The following EFCAB3 variants were observed in gnomAD, a reference collection of about 807,000 sequenced individuals.
EFCAB3 encodes the protein EF-hand calcium-binding domain-containing protein 3.
EFCAB3 carries 36 observed loss-of-function variants against 42.2 expected under a neutral mutation model. The ratio of observed to expected loss-of-function variants is 0.85; its 90% CI spans 0.65 to 1.13. The LOEUF is 1.13. Ranked by LOEUF, EFCAB3 falls within the 50% of genes most tolerant of loss-of-function variation. EFCAB3 has a pLI of 0.00. For missense variants in EFCAB3, 418 were observed against 505.1 expected, an observed-to-expected ratio of 0.83 and a Z score of 1.65; for synonymous variants, 170 against 172.8, an observed-to-expected ratio of 0.98 and a Z score of 0.13.
intron 3 of EFCAB3, among the ~76,000 whole-genome samples, chr17:62,389,426 GC>G (rs557834285): frequency 2.6e-4 from 39 of 152,176 alleles, no homozygotes; most frequent in Non-Finnish European, 4.9e-4. Flanking sequence ...GGCCAGCAAG[GC>G]CCCAGATATC....
intron 1 of EFCAB3, among the ~76,000 whole-genome samples, chr17:62,371,987 T>A (rs1046061387): frequency 2.6e-5 from 4 of 152,198 alleles, no homozygotes; most frequent in African/African-American, 9.7e-5. Context: ...GTATATTGAT[T>A]TATTCAAGCA....
intron 1 of EFCAB3, chr17:62,380,845 G>A (rs2070190535): frequency 6.5e-6 from 1 of 153,024 alleles, no homozygotes; most frequent in African/African-American, 2.4e-5. Context: ...ACTGCTTTCT[G>A]GGCTCTGAGG....
At chr17:62,390,075 C>T (rs939705618) in intron 3 of EFCAB3, among the ~76,000 whole-genome samples, 4 of 152,028 alleles carry the variant, frequency 2.6e-5, no homozygotes, top group Non-Finnish European at 5.9e-5. Context: ...CATGAGCCAC[C>T]GTGCCCGGCC....
rs1014313758 is a variant in EFCAB3, at chr17:62,413,123, A to G, written c.868-609A>G. ...AAAAGTCAAATGCATTTTTAAATAA[A>G]AAGATATTAATTCCACTGCTTCAAG... On this transcript the variant is annotated intron_variant, in intron 8 of 9. Transcript: ENST00000305286. 2.2e-4 allele frequency among the ~76,000 whole-genome samples: 33 copies of G among 152,310 alleles called. 1 individual carries two copies. Among genetic ancestry groups the G allele is most frequent in the Admixed American group, 2.0e-3 (30 of 15,288 alleles).
intron 4 of EFCAB3, 122 bp downstream of exon 4, chr17:62,392,087 T>A (rs992777935): frequency 2.8e-6 from 2 of 705,204 alleles, no homozygotes; most frequent in African/African-American, 3.7e-5. Flanking sequence ...CAAATATATA[T>A]ATATTTGTGT....
chr17:62,373,961 T>C (rs2144044765), intron 2 of EFCAB3: 1 of 619,858 alleles, frequency 1.6e-6, no homozygotes, highest in East Asian at 3.3e-5. Context: ...GTAATATATG[T>C]TCATTATAGA....
At chr17:62,392,084 A>G (rs1413555946) in intron 4 of EFCAB3, 119 bp downstream of exon 4, 2 of 796,418 alleles carry the variant, frequency 2.5e-6, no homozygotes, top group Non-Finnish European at 3.5e-6. Context: ...CCCCAAATAT[A>G]TATATATTTG....
intron 6 of EFCAB3, among the ~76,000 whole-genome samples, chr17:62,405,813 C>T (rs774411007): frequency 7.9e-5 from 12 of 152,004 alleles, no homozygotes; most frequent in African/African-American, 9.7e-5. Context: ...CATACACATA[C>T]GCTCCAAAAA....
In EFCAB3 at chr17:62,405,826, AT is replaced by A. The variant is rs2070442652; in HGVS notation, c.489-653del. Among the ~76,000 whole-genome samples the A allele has an allele frequency of 7.9e-5, 12 of 152,364 alleles. No individual in the cohort carries two copies. In the South Asian group the frequency reaches 2.5e-3, roughly 32 times the overall value. On this transcript the variant is annotated intron_variant, in intron 6 of 9. Coordinates refer to ENST00000305286, the MANE Select transcript of EFCAB3 (RefSeq NM_173503.4). Reference sequence around the variant, plus strand: ...TTCATACACATACGCTCCAAAAAAAATGATAGGAAAGAAATGCAATCAATAG... The same window carrying A: ...TTCATACACATACGCTCCAAAAAAAAGATAGGAAAGAAATGCAATCAATAG...
Position 62,416,051 on chromosome 17 carries a change from C to T in EFCAB3, c.1039C>T (p.Arg347Ter), listed in dbSNP as rs544369412. The T allele has an allele frequency of 1.6e-5, 26 of 1,613,806 alleles. No homozygotes were observed. Among genetic ancestry groups the T allele is most frequent in the East Asian group, 6.7e-5 (3 of 44,870 alleles). ...TYNLGIALEH[R>*]KEMLNLWQKI... is the part of the protein sequence containing the mutation. ...TAATTTAGGAATTGCCCTTGAACAC[C>T]GAAAAGAGATGCTAAACCTCTGGCA... Residue 347 changes from arginine to a stop codon, truncating the protein, a stop_gained, in exon 10 of 10, where the codon CGA becomes TGA. Coordinates refer to ENST00000305286, the MANE Select transcript of EFCAB3 (RefSeq NM_173503.4). LOFTEE classifies it high-confidence loss of function.
chr17:62,403,022 G>T (rs957617989), intron 6 of EFCAB3, among the ~76,000 whole-genome samples: 5 of 152,130 alleles, frequency 3.3e-5, no homozygotes, highest in African/African-American at 1.2e-4. Context: ...TCTTGGGAGG[G>T]TATATGTGTC....
In EFCAB3 at chr17:62,416,053, A is replaced by C; in HGVS notation, c.1041A>C (p.Arg347=). Residue 347 remains arginine, a synonymous_variant, in exon 10 of 10, where the codon CGA becomes CGC. Transcript: ENST00000305286. ...TYNLGIALEH[R]KEMLNLWQKI... ...ATTTAGGAATTGCCCTTGAACACCG[A>C]AAAGAGATGCTAAACCTCTGGCAGA... 6.2e-7 allele frequency: 1 copy of C among 1,613,962 alleles called. No individual in the cohort carries two copies. Among genetic ancestry groups the C allele is most frequent in the Middle Eastern group, 1.7e-4 (1 of 6,056 alleles).
At chr17:62,378,102 C>G, upstream of EFCAB3, 7 of 1,136,358 alleles carry the variant, frequency 6.2e-6, no homozygotes, top group Non-Finnish European at 8.8e-6. Context: ...TAGTTACTTT[C>G]CCTAATTGTC....
chr17:62,389,944 GC>G (rs2070288895), intron 3 of EFCAB3, among the ~76,000 whole-genome samples: 1 of 151,962 alleles, frequency 6.6e-6, no homozygotes, highest in Non-Finnish European at 1.5e-5. Context: ...CCGCCACCAC[GC>G]TCAGCTAATT....
chr17:62,413,694 A>G, intron 8 of EFCAB3, 38 bp from the exon 9 acceptor site: 1 of 1,504,448 alleles, frequency 6.6e-7, no homozygotes, highest in Non-Finnish European at 8.9e-7. Context: ...TTCAAATTAA[A>G]ATGTATTACT....
intron 8 of EFCAB3, among the ~76,000 whole-genome samples, chr17:62,412,929 A>G (rs1288652963): frequency 1.3e-5 from 2 of 152,220 alleles, no homozygotes; most frequent in Non-Finnish European, 2.9e-5. Context: ...TTCAACAAAT[A>G]ATGCACTGAG....
intron 6 of EFCAB3, chr17:62,397,419 G>T (rs138023228): frequency 2.2e-6 from 1 of 458,126 alleles, no homozygotes; most frequent in African/African-American, 2.0e-5. Flanking sequence ...CATGGACTTC[G>T]TGTGGCTAGG....
At chr17:62,370,671 A>G (rs117843645) in intron 1 of EFCAB3, among the ~76,000 whole-genome samples, 1 of 152,192 alleles carries the variant, frequency 6.6e-6, no homozygotes, top group East Asian at 1.9e-4. Flanking sequence ...AAAAAAAAGA[A>G]GAAGTGTACT....
rs770783261 is a variant in EFCAB3, at chr17:62,383,000, A to G, written c.21A>G (p.Lys7=). 23 of 1,613,744 alleles carry G rather than the reference A, an allele frequency of 1.4e-5. No individual in the cohort carries two copies. The South Asian group carries it at 2.3e-4, about 16-fold the overall frequency. The change falls in exon 2 of 10, where the codon AAA becomes AAG. Residue 7 remains lysine, a synonymous_variant. Transcript: ENST00000305286. The part of the protein sequence containing the change: MAVSEI[K]PKLKLNPLTK... ...GCCACATGGCAGTTTCAGAAATTAA[A>G]CCAAAACTTAAGCTGAATCCTCTAA...
Sources: allele counts gnomAD v4.1 joint callset (sites outside exome capture counted in the v4.1 genomes callset), GRCh38; gene constraint gnomAD v4.1.1; transcripts MANE v1.5; gene names NCBI Gene and HGNC (gene_info 2026-07-23, HGNC 2026-07-21).